The following NT5M variants were observed in gnomAD, a reference collection of about 807,000 sequenced individuals.
NT5M encodes 5'(3')-deoxyribonucleotidase, mitochondrial.
In NT5M, 22 loss-of-function variants were observed where a neutral mutation model predicts 22.2. The ratio of observed to expected loss-of-function variants is 0.99; its 90% CI spans 0.71 to 1.41. The LOEUF (loss-of-function observed/expected upper bound fraction) is 1.41, where lower values mean the gene tolerates loss of function less well. Ranked by LOEUF, NT5M falls within the 40% of genes most tolerant of loss-of-function variation. NT5M has a pLI of 0.00. For synonymous variants in NT5M, 167 were observed against 133.0 expected (o/e 1.26, Z -1.76); for missense variants, 322 against 314.8 (o/e 1.02, Z -0.17).
chr17:17,317,945 G>C (rs935916223), intron 2 of NT5M, among the ~76,000 whole-genome samples: 27 of 135,622 alleles, frequency 2.0e-4, no homozygotes, highest in Non-Finnish European at 3.9e-4. Flanking sequence ...CTAGGTGACA[G>C]AGTGAGACTC....
chr17:17,332,588 T>C (rs1325395977), intron 3 of NT5M, among the ~76,000 whole-genome samples: 1 of 152,148 alleles, frequency 6.6e-6, no homozygotes, highest in Non-Finnish European at 1.5e-5. Context: ...TTGGATACCT[T>C]TACATTCATC....
intron 3 of NT5M, among the ~76,000 whole-genome samples, chr17:17,326,571 C>G (rs2049271443): frequency 6.6e-6 from 1 of 152,234 alleles, no homozygotes; most frequent in African/African-American, 2.4e-5. Context: ...CGCAGACCGT[C>G]TCTCCAGCAA....
chr17:17,323,234 C>A lies in NT5M; in HGVS notation c.418C>A (p.Pro140Thr), dbSNP rs1244969447. ...CCCCATCAAGATGTTCAAGTACTGT[C>A]CCTATGAGAAGGTAAGGCGTGCGTC... ...TSPIKMFKYC[P>T]YEKYAWVEKY... Residue 140 changes from proline (P) to threonine (T), a missense_variant, in exon 3 of 5, where the codon CCC becomes ACC. Transcript: ENST00000389022. The A allele has an allele frequency of 3.7e-6, 6 of 1,613,888 alleles. No individual in the cohort carries two copies. The highest frequency in any genetic ancestry group is 5.1e-6 in the Non-Finnish European group (6 of 1,179,734).
chr17:17,322,289 C>T (rs965600631), intron 2 of NT5M, among the ~76,000 whole-genome samples: 2 of 152,132 alleles, frequency 1.3e-5, no homozygotes, highest in South Asian at 4.1e-4. Context: ...ACGCTGCCCT[C>T]ACCTGCCATC....
chr17:17,344,116 C>G (rs2049706108), intron 3 of NT5M, among the ~76,000 whole-genome samples: 1 of 152,102 alleles, frequency 6.6e-6, no homozygotes, highest in African/African-American at 2.4e-5. Flanking sequence ...CTCCCTGCCC[C>G]CCGGGGAGCA....
At chr17:17,343,432 G>A (rs2049690164) in intron 3 of NT5M, among the ~76,000 whole-genome samples, 1 of 152,236 alleles carries the variant, frequency 6.6e-6, no homozygotes, top group Non-Finnish European at 1.5e-5. Context: ...GACAGCGGTA[G>A]GGCTGGTCTG....
chr17:17,341,593 G>A (rs1405191981), intron 3 of NT5M, among the ~76,000 whole-genome samples: 1 of 152,216 alleles, frequency 6.6e-6, no homozygotes, highest in East Asian at 1.9e-4. Context: ...ACAGGGACCA[G>A]ACAACCTGCT....
intron 3 of NT5M, among the ~76,000 whole-genome samples, chr17:17,335,015 C>T (rs2049475560): frequency 1.3e-5 from 2 of 152,036 alleles, no homozygotes; most frequent in East Asian, 1.9e-4. Flanking sequence ...TGTAGGCCAC[C>T]TCTACCTTCT....
chr17:17,312,539 G>C (rs1049071209), intron 2 of NT5M, among the ~76,000 whole-genome samples: 2 of 151,506 alleles, frequency 1.3e-5, no homozygotes, highest in African/African-American at 4.9e-5. Flanking sequence ...AGCTACTCGG[G>C]AGGCTGAGGC....
At chr17:17,345,994 G>A (rs148168795) in intron 4 of NT5M, among the ~76,000 whole-genome samples, 2 of 152,296 alleles carry the variant, frequency 1.3e-5, no homozygotes, top group African/African-American at 2.4e-5. Context: ...CCTGGTAGCC[G>A]TCAGTAGTTT....
intron 1 of NT5M, among the ~76,000 whole-genome samples, chr17:17,305,113 G>A (rs2048766664): frequency 6.6e-6 from 1 of 152,092 alleles, no homozygotes; most frequent in Admixed American, 6.6e-5. Flanking sequence ...GGGGAGTCTG[G>A]ACACCATATA....
chr17:17,320,991 C>G (rs1350771752), intron 2 of NT5M, among the ~76,000 whole-genome samples: 2 of 151,994 alleles, frequency 1.3e-5, no homozygotes, highest in African/African-American at 4.8e-5. Flanking sequence ...GAAGCAGGAG[C>G]AGGAGGCGAG....
chr17:17,304,730 C>G (rs1227987628), intron 1 of NT5M, among the ~76,000 whole-genome samples: 1 of 152,270 alleles, frequency 6.6e-6, no homozygotes, highest in African/African-American at 2.4e-5. Flanking sequence ...ACATGCTGCT[C>G]AGGGGCTCAG....
chr17:17,307,143 A>T (rs897221545), intron 2 of NT5M, among the ~76,000 whole-genome samples: 2 of 151,906 alleles, frequency 1.3e-5, no homozygotes, highest in Admixed American at 1.3e-4. Context: ...GGTTGTGGTG[A>T]GCCGAGATCG....
Position 17,308,817 on chromosome 17 carries a change from A to G in NT5M, c.368+2174A>G, listed in dbSNP as rs530677359. ...ACTTTCTGTCTTTAGGAATTTGCCT[A>G]TTCTGGGGATTTCATATAAATGGCA... is the stretch of plus-strand genomic sequence containing the variant. On this transcript the variant is annotated intron_variant, in intron 2 of 4. Transcript: ENST00000389022. 9.7e-4 allele frequency among the ~76,000 whole-genome samples: 148 copies of G among 152,274 alleles called. 1 individual carries two copies. The Middle Eastern group carries it at 0.01, about 11-fold the overall frequency.
At chr17:17,341,474 A>C (rs1231834773) in intron 3 of NT5M, among the ~76,000 whole-genome samples, 1 of 152,172 alleles carries the variant, frequency 6.6e-6, no homozygotes, top group African/African-American at 2.4e-5. Flanking sequence ...CCTTTTTCTG[A>C]AGACTTTCTG....
At chr17:17,331,321 G>T (rs138876902) in intron 3 of NT5M, among the ~76,000 whole-genome samples, 20 of 151,552 alleles carry the variant, frequency 1.3e-4, no homozygotes, top group African/African-American at 4.6e-4. Context: ...CATGCTAATT[G>T]GCATGGGGTT....
chr17:17,309,103 G>GT (rs2048870208), intron 2 of NT5M, among the ~76,000 whole-genome samples: 2 of 149,710 alleles, frequency 1.3e-5, no homozygotes, highest in Admixed American at 1.3e-4. Flanking sequence ...TTTGAATCTT[G>GT]TTTTCAATTC....
chr17:17,334,805 T>C (rs1053871976), intron 3 of NT5M, among the ~76,000 whole-genome samples: 1 of 152,170 alleles, frequency 6.6e-6, no homozygotes, highest in Non-Finnish European at 1.5e-5. Context: ...TTGAAAGCAG[T>C]GTGAGTTTTC....
Sources: allele counts gnomAD v4.1 joint callset (sites outside exome capture counted in the v4.1 genomes callset), GRCh38; gene constraint gnomAD v4.1.1; transcripts MANE v1.5; gene names NCBI Gene and HGNC (gene_info 2026-07-23, HGNC 2026-07-21).